PIEZO2: variants seen among roughly 807,000 people sequenced by gnomAD.
PIEZO2 encodes piezo-type mechanosensitive ion channel component 2.
In PIEZO2, 172 loss-of-function variants were observed where a neutral mutation model predicts 337.3. The ratio of observed to expected loss-of-function variants is 0.51; its 90% CI spans 0.45 to 0.58. PIEZO2 has a LOEUF of 0.58. Ranked by LOEUF, PIEZO2 falls within the 20% of genes least tolerant of loss-of-function variation. The pLI is 0.00. For synonymous variants in PIEZO2, 1,251 were observed against 1,228.5 expected (o/e 1.02, Z -0.38); for missense variants, 3,028 against 3,391.3 (o/e 0.89, Z 2.66).
At position 11,067,076 on chromosome 18, in the gene PIEZO2, T is replaced by C. The variant is rs542485232; in HGVS notation, c.65-854A>G. On this transcript the variant is annotated intron_variant, in intron 1 of 55. Transcript: ENST00000674853. ...CATACCACTAGAGAAAATCACCAAA[T>C]CACAAAGGAAGACAGCAAGACAGAA... Among the ~76,000 whole-genome samples the C allele has an allele frequency of 2.6e-5, 4 of 151,618 alleles. No individual in the cohort carries two copies. In the South Asian group the frequency reaches 8.4e-4, roughly 32 times the overall value.
At chr18:10,684,596 C>T (rs1432168392) in intron 49 of PIEZO2, among the ~76,000 whole-genome samples, 2 of 151,928 alleles carry the variant, frequency 1.3e-5, no homozygotes, top group Non-Finnish European at 1.5e-5. Context: ...TCTCAAGTAG[C>T]TGGGACTACA....
intron 39 of PIEZO2, among the ~76,000 whole-genome samples, chr18:10,710,749 A>G (rs1331880789): frequency 1.3e-5 from 2 of 152,140 alleles, no homozygotes; most frequent in Admixed American, 6.5e-5. Context: ...TGGCCACCAG[A>G]CCCTTCCCAA....
intron 2 of PIEZO2, among the ~76,000 whole-genome samples, chr18:11,026,697 T>C (rs547653411): frequency 6.6e-6 from 1 of 152,196 alleles, no homozygotes; most frequent in South Asian, 2.1e-4. Flanking sequence ...TATTCAGCCT[T>C]ACCCTGAATT....
intron 2 of PIEZO2, among the ~76,000 whole-genome samples, chr18:11,019,491 A>G (rs1214400319): frequency 6.6e-6 from 1 of 152,154 alleles, no homozygotes; most frequent in African/African-American, 2.4e-5. Context: ...CTCATCTCCA[A>G]TTCTCAGCAT....
chr18:10,952,957 C>G lies in PIEZO2; in HGVS notation c.286+26578G>C, dbSNP rs906512750. ...TTCATTCTAAGAAGTATATAGTAGT[C>G]ATCTCCGGTTTTTAACTTGCACTTA... On this transcript the variant is annotated intron_variant, in intron 3 of 55. Transcript: ENST00000674853. This position sits in a 1 kb window ranked among gnomAD's most constrained non-coding sequence, Gnocchi z 4.1. 6.7e-6 allele frequency among the ~76,000 whole-genome samples: 1 copy of G among 149,762 alleles called. No individual in the cohort carries two copies. Among genetic ancestry groups the G allele is most frequent in the Non-Finnish European group, 1.5e-5 (1 of 67,548 alleles).
intron 7 of PIEZO2, among the ~76,000 whole-genome samples, chr18:10,844,586 A>G (rs766443022): frequency 3.3e-5 from 5 of 152,080 alleles, no homozygotes; most frequent in South Asian, 2.1e-4. Context: ...CAGGAGATCC[A>G]GACCATCCTG....
In PIEZO2 at chr18:10,672,299, T is replaced by A. The variant is rs2033814448; in HGVS notation, c.8345+391A>T. Among the ~76,000 whole-genome samples, 1 of 152,152 alleles carries A rather than the reference T, an allele frequency of 6.6e-6. No individual in the cohort carries two copies. Among genetic ancestry groups the A allele is most frequent in the Non-Finnish European group, 1.5e-5 (1 of 68,036 alleles). ...ATGTGCGTGTCCTAGGATTTAAGCA[T>A]CAGAACATGATGCGATGTTTCAGAA... On this transcript the variant is annotated intron_variant, in intron 55 of 55. Transcript: ENST00000674853. The surrounding 1 kb of genome is among the most constrained non-coding windows in gnomAD (Gnocchi z 4.7).
Position 10,794,904 on chromosome 18 carries a change from G to C in PIEZO2, c.1626C>G (p.Ile542Met). The C allele has an allele frequency of 6.5e-7, 1 of 1,541,276 alleles. No homozygotes were observed. The highest frequency in any genetic ancestry group is 8.7e-7 in the Non-Finnish European group (1 of 1,146,894). ...CATAAACCACCATGAAGGGAGAGCT[G>C]ATCATGGCATATTTTCTTCTGTTGC... ...MIRNRRKYAM[I>M]SSPFMVVYGN... Residue 542 changes from isoleucine (I) to methionine (M), a missense_variant, in exon 13 of 56, where the codon ATC becomes ATG. Physicochemically the swap from Ile to Met is conservative, Grantham distance 10. Around this residue, in one of 5 missense-constraint regions of PIEZO2, gnomAD observed 50 missense variants for 88.2 expected, o/e 0.57. Coordinates refer to ENST00000674853, the MANE Select transcript of PIEZO2 (RefSeq NM_001378183.1). This position sits in a 1 kb window ranked among gnomAD's most constrained non-coding sequence, Gnocchi z 6.6.
chr18:10,675,202 T>C lies in PIEZO2; in HGVS notation c.8161+7A>G. On this transcript the variant is annotated splice_region_variant and intron_variant, in intron 54 of 55. Transcript: ENST00000674853. ...ACAATTCTGAAACAAATTTTTCTCA[T>C]TCTTACCAGATAAAAGTTGCTTTAT... The C allele has an allele frequency of 6.6e-7, 1 of 1,522,164 alleles. No homozygotes were observed. The highest frequency in any genetic ancestry group is 8.9e-7 in the Non-Finnish European group (1 of 1,117,442). The allele number at this position is 1,522,164 out of a possible 1,614,324, so 94.3% of individuals were successfully genotyped here.
intron 2 of PIEZO2, among the ~76,000 whole-genome samples, chr18:11,039,505 G>A (rs2037040146): frequency 1.3e-5 from 2 of 152,026 alleles, no homozygotes; most frequent in South Asian, 2.1e-4. Flanking sequence ...AAACATTCAA[G>A]CAAATATCCT....
In PIEZO2 at chr18:11,047,151, G is replaced by A. The variant is rs757370234; in HGVS notation, c.160+18976C>T. Among the ~76,000 whole-genome samples the A allele has an allele frequency of 5.9e-5, 9 of 152,174 alleles. No homozygotes were observed. The highest frequency in any genetic ancestry group is 1.3e-4 in the Non-Finnish European group (9 of 68,026). ...CACTCAGGAGCCCCGTTTTCTGCAC[G>A]TGCCTCCCTGGGGTCCTCCTTACTG... On this transcript the variant is annotated intron_variant, in intron 2 of 55. Coordinates refer to ENST00000674853, the MANE Select transcript of PIEZO2 (RefSeq NM_001378183.1). This position sits in a 1 kb window ranked among gnomAD's most constrained non-coding sequence, Gnocchi z 7.2.
At chr18:10,757,091 T>G (rs1037825711) in intron 27 of PIEZO2, among the ~76,000 whole-genome samples, 1 of 124,810 alleles carries the variant, frequency 8.0e-6, no homozygotes. Flanking sequence ...GGAGGAGGAA[T>G]GGAGGATGGG....
At chr18:10,696,643 T>G in intron 45 of PIEZO2, 104 bp from the exon 46 acceptor site, 1 of 1,299,330 alleles carries the variant, frequency 7.7e-7, no homozygotes, top group East Asian at 2.3e-5. Flanking sequence ...CATTCCTCTT[T>G]CCAGTCAGGT....
intron 3 of PIEZO2, among the ~76,000 whole-genome samples, chr18:10,961,559 A>G (rs1325081161): frequency 6.6e-6 from 1 of 152,208 alleles, no homozygotes; most frequent in Admixed American, 6.5e-5. Flanking sequence ...TAACTTATGG[A>G]AAAATAAAAT....
intron 3 of PIEZO2, among the ~76,000 whole-genome samples, chr18:10,919,973 A>G (rs1476759817): frequency 1.3e-5 from 2 of 152,152 alleles, no homozygotes; most frequent in East Asian, 1.9e-4. Context: ...TGCAAAACTC[A>G]AATTATAGTG....
rs2037345846 is a variant in PIEZO2 at position 11,047,164 on chromosome 18, G to A, written c.160+18963C>T. 6.6e-6 allele frequency among the ~76,000 whole-genome samples: 1 copy of A among 152,210 alleles called. No individual in the cohort carries two copies. Among genetic ancestry groups the A allele is most frequent in the Non-Finnish European group, 1.5e-5 (1 of 68,034 alleles). ...CGTTTTCTGCACGTGCCTCCCTGGG[G>A]TCCTCCTTACTGCATGGTACCTCCC... On this transcript the variant is annotated intron_variant, in intron 2 of 55. Coordinates refer to ENST00000674853, the MANE Select transcript of PIEZO2 (RefSeq NM_001378183.1). The surrounding 1 kb of genome is among the most constrained non-coding windows in gnomAD (Gnocchi z 7.2).
At chr18:11,100,608 T>G (rs1036684342) in intron 1 of PIEZO2, among the ~76,000 whole-genome samples, 1 of 152,216 alleles carries the variant, frequency 6.6e-6, no homozygotes, top group Non-Finnish European at 1.5e-5. Flanking sequence ...CACTTCTTTT[T>G]TTTTTGAGAC....
chr18:10,914,268 TA>T (rs1274201296), intron 3 of PIEZO2, among the ~76,000 whole-genome samples: 9 of 133,486 alleles, frequency 6.7e-5, no homozygotes, highest in East Asian at 2.0e-4. Flanking sequence ...TAAAACATGT[TA>T]TTTTTTTTTT....
In PIEZO2 at chr18:11,001,698, T is replaced by C. The variant is rs2035540686; in HGVS notation, c.161-22038A>G. ...TTCGAGACCAACCTGGCTAACATGG[T>C]AAAACCCTGTCTCTGCTAAAAATAC... is the stretch of plus-strand genomic sequence containing the variant. On this transcript the variant is annotated intron_variant, in intron 2 of 55. Transcript: ENST00000674853. This position sits in a 1 kb window ranked among gnomAD's most constrained non-coding sequence, Gnocchi z 5.3. 6.6e-6 allele frequency among the ~76,000 whole-genome samples: 1 copy of C among 151,728 alleles called. No homozygotes were observed. Among genetic ancestry groups the C allele is most frequent in the African/African-American group, 2.4e-5 (1 of 41,228 alleles).
Sources: allele counts gnomAD v4.1 joint callset (sites outside exome capture counted in the v4.1 genomes callset), GRCh38; gene constraint gnomAD v4.1.1; regional missense constraint gnomAD v4.1.1; non-coding constraint Gnocchi (gnomAD v3.1); transcripts MANE v1.5; gene names NCBI Gene and HGNC (gene_info 2026-07-23, HGNC 2026-07-21).